The following ZBTB25 variants were observed in gnomAD, a reference collection of about 807,000 sequenced individuals.
ZBTB25 encodes zinc finger and BTB domain-containing protein 25.
ZBTB25 carries 20 observed loss-of-function variants against 34.2 expected under a neutral mutation model. The ratio of observed to expected loss-of-function variants is 0.58; its 90% confidence interval spans 0.41 to 0.85. ZBTB25 has a LOEUF of 0.85. ZBTB25 is among the 40% of genes least tolerant of loss of function. ZBTB25 has a pLI of 0.00. For missense variants in ZBTB25, 437 were observed against 521.8 expected, an observed-to-expected ratio of 0.84 and a Z score of 1.58; for synonymous variants, 175 against 186.4, an observed-to-expected ratio of 0.94 and a Z score of 0.50.
intron 1 of ZBTB25, 179 bp downstream of exon 1, chr14:64,503,482 G>C: frequency 1.0e-6 from 1 of 985,440 alleles, no homozygotes; most frequent in Non-Finnish European, 1.2e-6. Flanking sequence ...GCGCTCACTC[G>C]CGGATGTATT....
At chr14:64,458,313 T>C (rs183668402) in intron 2 of ZBTB25, 2 of 1,595,098 alleles carry the variant, frequency 1.3e-6, no homozygotes, top group South Asian at 2.2e-5. Context: ...AACAGGTAAG[T>C]TGTTACTGGG....
chr14:64,500,855 C>T (rs1345868942), intron 1 of ZBTB25, among the ~76,000 whole-genome samples: 3 of 151,984 alleles, frequency 2.0e-5, no homozygotes, highest in African/African-American at 4.8e-5. Context: ...GTTCAAGACC[C>T]GCCTGGCCAA....
At chr14:64,453,680 A>G in intron 2 of ZBTB25, 1 of 854,164 alleles carries the variant, frequency 1.2e-6, no homozygotes, top group Admixed American at 1.8e-5. Context: ...CTGACCTAGA[A>G]TGTGGCTATG....
At chr14:64,460,304 C>G (rs2078538805) in intron 2 of ZBTB25, 1 of 190,548 alleles carries the variant, frequency 5.2e-6, no homozygotes, top group African/African-American at 2.3e-5. Flanking sequence ...ATTGCTTATA[C>G]AAGTTTTTGC....
At chr14:64,502,250 G>A (rs1324479907) in intron 1 of ZBTB25, among the ~76,000 whole-genome samples, 1 of 152,150 alleles carries the variant, frequency 6.6e-6, no homozygotes, top group Non-Finnish European at 1.5e-5. Context: ...GACAAAAAAG[G>A]TGTTAGCAGG....
chr14:64,473,715 C>G (rs1257495733), downstream of ZBTB25: 1 of 166,898 alleles, frequency 6.0e-6, no homozygotes, highest in Non-Finnish European at 1.5e-5. Context: ...AATATGTAGT[C>G]TACTTTCTAA....
intron 2 of ZBTB25, among the ~76,000 whole-genome samples, chr14:64,459,038 C>T (rs1233612574): frequency 2.0e-5 from 3 of 152,118 alleles, no homozygotes; most frequent in Non-Finnish European, 4.4e-5. Flanking sequence ...ACTTAACGCC[C>T]GTCTTACTGG....
At chr14:64,465,750 G>A (rs2078606336) in intron 2 of ZBTB25, 2 of 152,204 alleles carry the variant, frequency 1.3e-5, no homozygotes, top group South Asian at 4.1e-4. Context: ...GAGTAAGAAC[G>A]CGGGAGGTCG....
intron 2 of ZBTB25, among the ~76,000 whole-genome samples, chr14:64,465,029 TCAAA>T (rs1403156269): frequency 1.3e-5 from 2 of 152,238 alleles, no homozygotes; most frequent in Non-Finnish European, 2.9e-5. Context: ...AATTTTCGCT[TCAAA>T]CAAACATGAC....
rs1420321657 is a variant in ZBTB25 at position 64,483,674 on chromosome 14, G to A, written c.*3249C>T. ...AGGGCACAGTGTTAGGCATATGACAGTTACTTTAAAAAATGCCTGCAGACC... is the reference window on the plus strand; with the variant it reads ...AGGGCACAGTGTTAGGCATATGACAATTACTTTAAAAAATGCCTGCAGACC... On this transcript the variant is annotated 3_prime_UTR_variant, in exon 3 of 3. Coordinates refer to ENST00000608382, the MANE Select transcript of ZBTB25 (RefSeq NM_006977.5). 6.6e-6 allele frequency: 1 copy of A among 152,070 alleles called. No homozygotes were observed. Among genetic ancestry groups the A allele is most frequent in the African/African-American group, 2.4e-5 (1 of 41,386 alleles). The allele number at this position is 152,070 out of a possible 1,614,324, so 9.4% of individuals were successfully genotyped here.
intron 2 of ZBTB25, chr14:64,472,839 A>G (rs2078688631): frequency 6.0e-6 from 1 of 167,088 alleles, no homozygotes; most frequent in Non-Finnish European, 1.5e-5. Context: ...AGTGAATATA[A>G]ATAAGTTCTG....
intron 2 of ZBTB25, chr14:64,472,284 C>T (rs1211209799): frequency 6.0e-6 from 1 of 166,924 alleles, no homozygotes; most frequent in Non-Finnish European, 1.5e-5. Flanking sequence ...AAGAATCCTG[C>T]CCTCATTTAC....
intron 1 of ZBTB25, chr14:64,503,450 G>A (rs2079565917): frequency 4.1e-6 from 4 of 985,350 alleles, no homozygotes; most frequent in Non-Finnish European, 4.8e-6. Flanking sequence ...AGCAAAGGGT[G>A]GTTCTGGGTA....
intron 2 of ZBTB25, among the ~76,000 whole-genome samples, chr14:64,457,038 GA>G (rs1169848474): frequency 6.6e-6 from 1 of 152,158 alleles, no homozygotes; most frequent in East Asian, 1.9e-4. Flanking sequence ...CGAGTCTTTA[GA>G]AAAGTAGTGA....
Position 64,470,988 on chromosome 14 carries a change from C to T in ZBTB25, c.173+19373G>A, listed in dbSNP as rs554724343. ...ATAATCTAGTGCAAATATTTATTCT[C>T]GGCCAAAAATGAGCCATGAATGTGG... On this transcript the variant is annotated intron_variant, in intron 2 of 2. Transcript: ENST00000555220. The T allele has an allele frequency of 1.0e-3, 173 of 166,920 alleles. 3 individuals carry two copies. The highest frequency in any genetic ancestry group is 3.7e-3 in the Admixed American group (56 of 15,278). The allele number at this position is 166,920 out of a possible 1,614,324, so 10.3% of individuals were successfully genotyped here. A position where few individuals can be genotyped will look rare whatever the true frequency, so the allele number is the denominator to read the frequency against.
At chr14:64,500,009 G>A (rs2079431608) in intron 1 of ZBTB25, among the ~76,000 whole-genome samples, 1 of 152,132 alleles carries the variant, frequency 6.6e-6, no homozygotes, top group Non-Finnish European at 1.5e-5. Context: ...TAGGATGCCT[G>A]ATAAAGCCAA....
At position 64,485,232 on chromosome 14, in the gene ZBTB25, G is replaced by A. The variant is rs1596607786; in HGVS notation, c.*1691C>T. The A allele has an allele frequency of 1.0e-6, 1 of 985,316 alleles. No individual in the cohort carries two copies. The highest frequency in any genetic ancestry group is 6.1e-5 in the Admixed American group (1 of 16,262). The allele number at this position is 985,316 out of a possible 1,614,324, so 61.0% of individuals were successfully genotyped here. A position where few individuals can be genotyped will look rare whatever the true frequency, so the allele number is the denominator to read the frequency against. ...CTCCTGATTGGACGCTGATGCTGTT[G>A]AATGTGTCAGGAAACGTCCTCAGAA... On this transcript the variant is annotated 3_prime_UTR_variant, in exon 3 of 3. Coordinates refer to ENST00000608382, the MANE Select transcript of ZBTB25 (RefSeq NM_006977.5).
At chr14:64,496,023 AT>A (rs1478873150) in intron 1 of ZBTB25, among the ~76,000 whole-genome samples, 3 of 152,190 alleles carry the variant, frequency 2.0e-5, no homozygotes, top group Non-Finnish European at 4.4e-5. Flanking sequence ...GATAGGAACT[AT>A]TCAACCATTA....
intron 2 of ZBTB25, chr14:64,468,618 C>T (rs1305911885): frequency 1.2e-6 from 2 of 1,613,840 alleles, no homozygotes; most frequent in South Asian, 1.1e-5. Context: ...CCAGAGCCCA[C>T]ACGGGGGGCC....
Sources: allele counts gnomAD v4.1 joint callset (sites outside exome capture counted in the v4.1 genomes callset), GRCh38; gene constraint gnomAD v4.1.1; transcripts MANE v1.5; gene names NCBI Gene and HGNC (gene_info 2026-07-23, HGNC 2026-07-21).